Variants in EAPP observed in about 807,000 individuals in gnomAD.
EAPP encodes E2F-associated phosphoprotein.
EAPP carries 38 observed loss-of-function variants against 34.3 expected under a neutral mutation model. The ratio of observed to expected loss-of-function variants is 1.11; its 90% CI spans 0.85 to 1.45. The LOEUF (loss-of-function observed/expected upper bound fraction) is 1.45, where lower values mean the gene tolerates loss of function less well. EAPP is among the 40% of genes most tolerant of loss of function. The pLI, the probability that EAPP is intolerant of heterozygous loss-of-function variation, is 0.00. For synonymous variants in EAPP, 113 were observed against 117.6 expected (o/e 0.96, Z 0.25); for missense variants, 338 against 343.7 (o/e 0.98, Z 0.13).
intron 4 of EAPP, among the ~76,000 whole-genome samples, chr14:34,528,886 C>T (rs1466235727): frequency 2.6e-5 from 4 of 151,814 alleles, no homozygotes; most frequent in Non-Finnish European, 5.9e-5. Context: ...CCTGTAATCC[C>T]AGCACTTTGG....
Position 34,516,396 on chromosome 14 carries a change from T to C in EAPP, c.772A>G (p.Met258Val). The C allele has an allele frequency of 1.2e-6, 2 of 1,614,236 alleles. No individual in the cohort carries two copies. The highest frequency in any genetic ancestry group is 1.7e-6 in the Non-Finnish European group (2 of 1,180,040). ...ACTTCAGTGGAACATTCAGTGCACATGACTGGGTGATAGATTTCTTCCACA... is the reference window on the plus strand; with the variant it reads ...ACTTCAGTGGAACATTCAGTGCACACGACTGGGTGATAGATTTCTTCCACA... ...TDVEEIYHPVMCTECSTEVAV... is the reference protein window; with the variant it reads ...TDVEEIYHPVVCTECSTEVAV... The change falls in exon 6 of 6, where the codon ATG (methionine) becomes GTG (valine). Residue 258 changes from methionine to valine, a missense_variant. Met to Val is a conservative substitution (Grantham distance 21, BLOSUM62 1). Transcript: ENST00000250454.
chr14:34,531,560 C>G (rs986224670), intron 3 of EAPP, among the ~76,000 whole-genome samples: 3 of 150,556 alleles, frequency 2.0e-5, no homozygotes, highest in African/African-American at 7.3e-5. Context: ...TGAGATGACG[C>G]CACTGCACTC....
In EAPP at chr14:34,531,473, G is replaced by A. The variant is rs528507685; in HGVS notation, c.352+1971C>T. Among the ~76,000 whole-genome samples the A allele has an allele frequency of 1.1e-3, 173 of 151,854 alleles. 1 individual carries two copies. Among genetic ancestry groups the A allele is most frequent in the African/African-American group, 4.0e-3 (166 of 41,390 alleles). On this transcript the variant is annotated intron_variant, in intron 3 of 5. Transcript: ENST00000250454. ...AAAATTTAGCCGGGCGTGGTGACGG[G>A]CACCTGTAGTCCCAGCTACTCAGCA...
At chr14:34,528,413 CCCTT>C (rs2054854755) in intron 4 of EAPP, among the ~76,000 whole-genome samples, 1 of 54,388 alleles carries the variant, frequency 1.8e-5, no homozygotes, top group South Asian at 8.6e-4. Context: ...ATCCACAAAA[CCCTT>C]TTTTTTTTTT....
intron 2 of EAPP, among the ~76,000 whole-genome samples, chr14:34,535,693 A>C (rs1880449504): frequency 6.6e-6 from 1 of 151,984 alleles, no homozygotes; most frequent in Non-Finnish European, 1.5e-5. Context: ...CGGCCTCCCA[A>C]AGTGCTAGGA....
In EAPP at chr14:34,524,685, T is replaced by TGTGTG; in HGVS notation, c.581+11_581+12insCACAC. The TGTGTG allele has an allele frequency of 6.8e-6, 4 of 585,672 alleles. No individual in the cohort carries two copies. Among genetic ancestry groups the TGTGTG allele is most frequent in the South Asian group, 1.9e-5 (1 of 53,044 alleles). The allele number at this position is 585,672 out of a possible 1,614,324, so 36.3% of individuals were successfully genotyped here. A position where few individuals can be genotyped will look rare whatever the true frequency, so the allele number is the denominator to read the frequency against. ...TGTGTGTGTGTGTGTGTGTGTGTCC[T>TGTGTG]TCATCCATTACCTTTGGCAATCAAG... On this transcript the variant is annotated intron_variant, in intron 5 of 5. Transcript: ENST00000250454.
rs10668919 is a variant in EAPP, at chr14:34,523,526, G to GTTTTT, written c.581+1166_581+1170dup. Among the ~76,000 whole-genome samples the GTTTTT allele has an allele frequency of 2.9e-4, 35 of 119,514 alleles. 2 individuals are homozygous for GTTTTT. The highest frequency in any genetic ancestry group is 4.2e-4 in the African/African-American group (13 of 30,890). 78.4% of individuals were successfully genotyped at this position (119,514 alleles called of 152,430 possible). A position where few individuals can be genotyped will look rare whatever the true frequency, so the allele number is the denominator to read the frequency against. On this transcript the variant is annotated intron_variant, in intron 5 of 5. Transcript: ENST00000250454. ...AGGCGTGAGCCACCACGCCCAGCCCGTTTTTTTTTTTTTTTTGGAGAGAGA... is the reference window on the plus strand; with the variant it reads ...AGGCGTGAGCCACCACGCCCAGCCCGTTTTTTTTTTTTTTTTTTTTTGGAGAGAGA...
intron 2 of EAPP, 47 bp from the exon 3 acceptor site, chr14:34,533,586 C>T (rs1249199851): frequency 2.3e-6 from 3 of 1,315,510 alleles, no homozygotes; most frequent in Non-Finnish European, 3.1e-6. Flanking sequence ...ATACATAATT[C>T]ACAAGGCAAA....
rs77830171 is a variant in EAPP at position 34,523,814 on chromosome 14, C to T, written c.581+883G>A. ...TTAGCCTCCCATAGCACTGGGATTA[C>T]AGGCATGAGTCACTGTGCCCAACTT... On this transcript the variant is annotated intron_variant, in intron 5 of 5. Coordinates refer to ENST00000250454, the MANE Select transcript of EAPP (RefSeq NM_018453.4). 2.6e-3 allele frequency among the ~76,000 whole-genome samples: 394 copies of T among 152,220 alleles called. 1 individual carries two copies. The highest frequency in any genetic ancestry group is 9.1e-3 in the African/African-American group (378 of 41,552).
At chr14:34,529,518 A>G in intron 3 of EAPP, 43 bp from the exon 4 acceptor site, 1 of 1,273,912 alleles carries the variant, frequency 7.8e-7, no homozygotes, top group South Asian at 1.2e-5. Flanking sequence ...ATCATGTGTC[A>G]AGTTCACACT....
intron 4 of EAPP, among the ~76,000 whole-genome samples, chr14:34,527,376 G>A (rs781760046): frequency 1.3e-5 from 2 of 152,074 alleles, no homozygotes; most frequent in Non-Finnish European, 2.9e-5. Context: ...GGTGGGAGGA[G>A]TGCTTGAACC....
At chr14:34,523,386 C>T (rs769064266) in intron 5 of EAPP, among the ~76,000 whole-genome samples, 3 of 151,816 alleles carry the variant, frequency 2.0e-5, no homozygotes, top group Admixed American at 6.6e-5. Flanking sequence ...TACAGGCGCC[C>T]GCCACCATGC....
At chr14:34,527,343 G>C (rs772619217) in intron 4 of EAPP, among the ~76,000 whole-genome samples, 3 of 151,856 alleles carry the variant, frequency 2.0e-5, no homozygotes, top group Admixed American at 2.0e-4. Flanking sequence ...TGTGCCTATA[G>C]TCCCAGCTAC....
chr14:34,521,241 T>A (rs1034531811), intron 5 of EAPP, among the ~76,000 whole-genome samples: 2 of 151,668 alleles, frequency 1.3e-5, no homozygotes, highest in Non-Finnish European at 2.9e-5. Context: ...GCTAATTTGA[T>A]TACATTTTTA....
At chr14:34,535,999 C>G in intron 2 of EAPP, 95 bp downstream of exon 2, 1 of 800,508 alleles carries the variant, frequency 1.2e-6, no homozygotes, top group Non-Finnish European at 2.0e-6. Flanking sequence ...TATTGAGCAC[C>G]TACTGAAAGT....
chr14:34,521,349 G>A (rs1410115826), intron 5 of EAPP, among the ~76,000 whole-genome samples: 4 of 152,114 alleles, frequency 2.6e-5, no homozygotes, highest in Non-Finnish European at 5.9e-5. Context: ...GGGATTACAA[G>A]TGTCAGCCAC....
intron 1 of EAPP, among the ~76,000 whole-genome samples, chr14:34,536,664 G>A (rs12883981): frequency 0.25 from 38,269 of 151,450 alleles, 6,103 homozygotes; most frequent in Non-Finnish European, 0.37. Flanking sequence ...TTTAATTTTT[G>A]TCGAAATGGG....
chr14:34,539,622 G>A lies in EAPP; in HGVS notation c.7C>T (p.Arg3Trp), dbSNP rs757289012. 4.5e-6 allele frequency: 7 copies of A among 1,571,048 alleles called. No homozygotes were observed. Among genetic ancestry groups the A allele is most frequent in the Non-Finnish European group, 6.0e-6 (7 of 1,157,066 alleles). MN[R>W]LPDDYDPYAV... ...TAGGGGTCGTAGTCATCCGGAAGCC[G>A]GTTCATGGTGGCCTGCAGCGGCCTA... Residue 3 changes from arginine to tryptophan, a missense_variant, in exon 1 of 6, where the codon CGG becomes TGG. Transcript: ENST00000250454.
intron 5 of EAPP, among the ~76,000 whole-genome samples, chr14:34,518,405 G>A (rs1879808917): frequency 7.5e-6 from 1 of 132,930 alleles, no homozygotes; most frequent in Admixed American, 8.9e-5. Context: ...CACGATCTTG[G>A]CTCACTGCAA....
Sources: gnomAD v4.1 joint callset for allele counts (sites outside exome capture counted in the v4.1 genomes callset) on GRCh38, gnomAD v4.1.1 for gene constraint, MANE v1.5 for transcripts, NCBI Gene and HGNC (gene_info 2026-07-23, HGNC 2026-07-21) for gene names.